YIPF4: variants seen among roughly 807,000 people sequenced by gnomAD.
YIPF4 encodes the protein Yip1 domain family member 4.
YIPF4 carries 18 observed loss-of-function variants against 29.4 expected under a neutral mutation model. That is an observed-to-expected ratio of 0.61 (90% CI 0.42 to 0.91). The LOEUF (loss-of-function observed/expected upper bound fraction) is 0.91, where lower values mean the gene tolerates loss of function less well. Ranked by LOEUF, YIPF4 falls within the 40% of genes least tolerant of loss-of-function variation. The probability of loss-of-function intolerance (pLI) is 0.00; values close to 1 mark genes in which losing one functional copy is unlikely to be tolerated. For synonymous variants in YIPF4, 115 were observed against 104.7 expected, an observed-to-expected ratio of 1.10 and a Z score of -0.60; for missense variants, 279 against 282.7, an observed-to-expected ratio of 0.99 and a Z score of 0.09.
At position 32,306,587 on chromosome 2, in the gene YIPF4, G is replaced by C. The variant is rs982590913; in HGVS notation, c.*961G>C. The C allele has an allele frequency of 2.6e-5, 26 of 985,238 alleles. No homozygotes were observed. Among genetic ancestry groups the C allele is most frequent in the Non-Finnish European group, 3.1e-5 (26 of 829,826 alleles). The allele number at this position is 985,238 out of a possible 1,614,324, so 61.0% of individuals were successfully genotyped here. Reference sequence around the variant, plus strand: ...TCCCAGTTGTGTGTTTTGTTTTACAGCACCATGTCCTGTATTACTTGATAT... The same window carrying C: ...TCCCAGTTGTGTGTTTTGTTTTACACCACCATGTCCTGTATTACTTGATAT... On this transcript the variant is annotated 3_prime_UTR_variant, in exon 6 of 6. Coordinates refer to ENST00000238831, the MANE Select transcript of YIPF4 (RefSeq NM_032312.4).
At chr2:32,288,977 G>T (rs2030801466) in intron 1 of YIPF4, among the ~76,000 whole-genome samples, 1 of 152,140 alleles carries the variant, frequency 6.6e-6, no homozygotes, top group East Asian at 1.9e-4. Context: ...AAAAAAAGAA[G>T]AAATAACACT....
chr2:32,303,276 C>T (rs1262289557), intron 5 of YIPF4, among the ~76,000 whole-genome samples: 1 of 152,154 alleles, frequency 6.6e-6, no homozygotes. Flanking sequence ...GGGAGGATTG[C>T]TTGGGCCCAT....
chr2:32,283,009 G>A (rs1413726304), intron 1 of YIPF4, among the ~76,000 whole-genome samples: 1 of 151,618 alleles, frequency 6.6e-6, no homozygotes, highest in Admixed American at 6.6e-5. Flanking sequence ...CCTGGGAGGT[G>A]GGGCTTGCAG....
At chr2:32,282,539 T>A (rs968110497) in intron 1 of YIPF4, among the ~76,000 whole-genome samples, 1 of 152,106 alleles carries the variant, frequency 6.6e-6, no homozygotes, top group Non-Finnish European at 1.5e-5. Context: ...TTCAAGCGAT[T>A]CTTCTGCCTC....
Position 32,290,570 on chromosome 2 carries a change from G to C in YIPF4, c.167G>C (p.Arg56Thr), listed in dbSNP as rs1358272344. The C allele has an allele frequency of 6.3e-7, 1 of 1,589,880 alleles. No individual in the cohort carries two copies. Among genetic ancestry groups the C allele is most frequent in the Non-Finnish European group, 8.6e-7 (1 of 1,168,438 alleles). The change falls in exon 2 of 6, where the codon AGA becomes ACA. Residue 56 changes from arginine to threonine, a missense_variant. Transcript: ENST00000238831. ...IKESTATTFL[R>T]QRGYGWLLEV... Reference sequence around the variant, plus strand: ...GAATCTACAGCTACTACATTTCTGAGACAAAGAGGTTATGGCTGGCTTCTG... The same window carrying C: ...GAATCTACAGCTACTACATTTCTGACACAAAGAGGTTATGGCTGGCTTCTG...
At chr2:32,304,106 A>G (rs767596143) in intron 5 of YIPF4, among the ~76,000 whole-genome samples, 5 of 152,194 alleles carry the variant, frequency 3.3e-5, no homozygotes, top group Non-Finnish European at 7.3e-5. Flanking sequence ...TAAACTTCAG[A>G]TTATTCTTTG....
chr2:32,295,162 TG>T (rs2031129864), intron 3 of YIPF4, among the ~76,000 whole-genome samples: 1 of 152,334 alleles, frequency 6.6e-6, no homozygotes, highest in East Asian at 1.9e-4. Flanking sequence ...CATCAGTATT[TG>T]TTTTTATATT....
At chr2:32,298,420 CT>C in intron 4 of YIPF4, 109 bp downstream of exon 4, 2 of 757,808 alleles carry the variant, frequency 2.6e-6, no homozygotes, top group South Asian at 1.8e-5. Context: ...CCCAGAATTG[CT>C]TTATGCTAGT....
In YIPF4 at chr2:32,297,164, G is replaced by A. The variant is rs186101632; in HGVS notation, c.406-1070G>A. Among the ~76,000 whole-genome samples the A allele has an allele frequency of 2.6e-3, 388 of 150,446 alleles. 3 individuals are homozygous for A. The highest frequency in any genetic ancestry group is 3.1e-3 in the Non-Finnish European group (207 of 67,786). On this transcript the variant is annotated intron_variant, in intron 3 of 5. Transcript: ENST00000238831. Reference sequence around the variant, plus strand: ...CTTGAAATGGTGTTTCACTCTTGTCGCTCAGGCTGGAGTGCAATGGCGCAA... The same window carrying A: ...CTTGAAATGGTGTTTCACTCTTGTCACTCAGGCTGGAGTGCAATGGCGCAA...
chr2:32,304,721 C>T (rs1488031207), intron 5 of YIPF4, among the ~76,000 whole-genome samples: 1 of 152,148 alleles, frequency 6.6e-6, no homozygotes, highest in African/African-American at 2.4e-5. Context: ...TGCCTTGTGC[C>T]AGGTCTGTTC....
intron 4 of YIPF4, among the ~76,000 whole-genome samples, chr2:32,298,840 G>C (rs1246264328): frequency 6.6e-6 from 1 of 151,864 alleles, no homozygotes; most frequent in Admixed American, 6.6e-5. Flanking sequence ...TTACAGGAGT[G>C]AGCTACTGCG....
intron 3 of YIPF4, among the ~76,000 whole-genome samples, chr2:32,293,945 AC>A (rs1340912917): frequency 4.3e-5 from 5 of 115,342 alleles, no homozygotes; most frequent in Admixed American, 2.7e-4. Context: ...CGGGGGGCTG[AC>A]CCCCCCAACC....
chr2:32,293,865 G>A (rs1482849274), intron 3 of YIPF4, among the ~76,000 whole-genome samples: 9 of 134,840 alleles, frequency 6.7e-5, no homozygotes, highest in African/African-American at 1.1e-4. Context: ...CCTCCCTCCC[G>A]GACGGGGCGG....
intron 5 of YIPF4, among the ~76,000 whole-genome samples, chr2:32,302,891 T>G (rs748510658): frequency 2.0e-5 from 3 of 152,164 alleles, no homozygotes; most frequent in Non-Finnish European, 4.4e-5. Context: ...CTGATACTGA[T>G]AATAAGCATT....
At chr2:32,303,859 C>T (rs1393025959) in intron 5 of YIPF4, among the ~76,000 whole-genome samples, 1 of 152,056 alleles carries the variant, frequency 6.6e-6, no homozygotes, top group African/African-American at 2.4e-5. Flanking sequence ...ATTCCTATTC[C>T]AGCCTTAGTG....
chr2:32,287,218 C>G (rs147387587), intron 1 of YIPF4, among the ~76,000 whole-genome samples: 1 of 152,134 alleles, frequency 6.6e-6, no homozygotes, highest in Non-Finnish European at 1.5e-5. Context: ...GCACTCCAGC[C>G]TGGACAAGAG....
rs2031753219 is a variant in YIPF4, at chr2:32,313,273, AAAATAT to A, written c.*7651_*7656del. 1 of 152,188 alleles carries A rather than the reference AAAATAT, an allele frequency of 6.6e-6. No homozygotes were observed. Among genetic ancestry groups the A allele is most frequent in the Non-Finnish European group, 1.5e-5 (1 of 68,048 alleles). 9.4% of individuals were successfully genotyped at this position (152,188 alleles called of 1,614,324 possible). On this transcript the variant is annotated 3_prime_UTR_variant, in exon 6 of 6. Coordinates refer to ENST00000238831, the MANE Select transcript of YIPF4 (RefSeq NM_032312.4). Reference sequence around the variant, plus strand: ...GAGTTTGCTTGGGGAAAAAAATTTAAAAATATAAAAAGAAAACCAGTTTGAAGTTTA... The same window carrying A: ...GAGTTTGCTTGGGGAAAAAAATTTAAAAAAAGAAAACCAGTTTGAAGTTTA...
intron 5 of YIPF4, among the ~76,000 whole-genome samples, chr2:32,302,601 G>T (rs1040080198): frequency 6.6e-6 from 1 of 152,030 alleles, no homozygotes; most frequent in Non-Finnish European, 1.5e-5. Flanking sequence ...ACTGATAAAA[G>T]TATTAATAAA....
At chr2:32,292,031 G>T (rs1326064437) in intron 2 of YIPF4, 146 bp from the exon 3 acceptor site, 3 of 478,754 alleles carry the variant, frequency 6.3e-6, no homozygotes, top group Non-Finnish European at 1.1e-5. Context: ...CTTGGAATTA[G>T]TGAAATGTGG....
Sources: allele counts gnomAD v4.1 joint callset (sites outside exome capture counted in the v4.1 genomes callset), GRCh38; gene constraint gnomAD v4.1.1; transcripts MANE v1.5; gene names NCBI Gene and HGNC (gene_info 2026-07-23, HGNC 2026-07-21).